GRID2: variants seen among roughly 807,000 people sequenced by gnomAD.
GRID2 encodes the protein glutamate receptor ionotropic, delta-2.
GRID2 carries 33 observed loss-of-function variants against 114.8 expected under a neutral mutation model. The ratio of observed to expected loss-of-function variants is 0.29; its 90% confidence interval spans 0.22 to 0.38. The LOEUF (loss-of-function observed/expected upper bound fraction) is 0.38, where lower values mean the gene tolerates loss of function less well. GRID2 is among the 10% of genes least tolerant of loss of function. The probability of loss-of-function intolerance (pLI) is 1.00; values close to 1 mark genes in which losing one functional copy is unlikely to be tolerated. For missense variants in GRID2, 1,184 were observed against 1,257.7 expected (o/e 0.94, Z 0.89); for synonymous variants, 505 against 449.9 (o/e 1.12, Z -1.55).
At chr4:92,466,548 A>C (rs1721761092) in intron 1 of GRID2, among the ~76,000 whole-genome samples, 1 of 151,868 alleles carries the variant, frequency 6.6e-6, no homozygotes, top group Non-Finnish European at 1.5e-5. Context: ...TACTCACAAA[A>C]GTTAAAAATA....
intron 1 of GRID2, among the ~76,000 whole-genome samples, chr4:92,543,437 A>G (rs888834669): frequency 6.6e-6 from 1 of 152,208 alleles, no homozygotes; most frequent in African/African-American, 2.4e-5. Flanking sequence ...CATATACTTT[A>G]AGAATTAACT....
intron 1 of GRID2, among the ~76,000 whole-genome samples, chr4:92,319,632 A>G (rs757784278): frequency 6.6e-6 from 1 of 152,184 alleles, no homozygotes. Context: ...AAAATGTTGT[A>G]TCTTTTGTGC....
intron 2 of GRID2, among the ~76,000 whole-genome samples, chr4:92,998,927 T>C (rs994570866): frequency 2.6e-5 from 4 of 151,902 alleles, no homozygotes; most frequent in African/African-American, 9.7e-5. Context: ...TTTTTTGGAC[T>C]CAGAGACTGC....
chr4:92,669,320 C>T (rs1732936823), intron 2 of GRID2, among the ~76,000 whole-genome samples: 1 of 151,812 alleles, frequency 6.6e-6, no homozygotes, highest in South Asian at 2.1e-4. Context: ...TATGTAACTA[C>T]TAACAACCCT....
chr4:92,785,779 A>G (rs1739293015), intron 2 of GRID2, among the ~76,000 whole-genome samples: 1 of 151,890 alleles, frequency 6.6e-6, no homozygotes, highest in South Asian at 2.1e-4. Flanking sequence ...AAAGTAAAAG[A>G]AAGACAAGAA....
At chr4:93,189,773 C>CACACACACA (rs1268745559) in intron 4 of GRID2, among the ~76,000 whole-genome samples, 1 of 138,898 alleles carries the variant, frequency 7.2e-6, no homozygotes, top group African/African-American at 2.7e-5. Context: ...CCACACCACA[C>CACACACACA]CACACACACA....
intron 1 of GRID2, among the ~76,000 whole-genome samples, chr4:92,561,594 A>T (rs1407749148): frequency 2.6e-5 from 4 of 152,164 alleles, no homozygotes; most frequent in Admixed American, 6.5e-5. Context: ...ATTAATTACA[A>T]TCTTGCACAT....
chr4:92,710,549 T>A (rs1430117328), intron 2 of GRID2, among the ~76,000 whole-genome samples: 1 of 152,248 alleles, frequency 6.6e-6, no homozygotes, highest in Non-Finnish European at 1.5e-5. Flanking sequence ...TTTTGTGCCA[T>A]GTCCTGGTGA....
At chr4:93,208,069 C>A (rs1310856085) in intron 5 of GRID2, among the ~76,000 whole-genome samples, 2 of 151,888 alleles carry the variant, frequency 1.3e-5, no homozygotes, top group East Asian at 1.9e-4. Context: ...ATGGAAGGAA[C>A]AATGAGCAGG....
intron 2 of GRID2, among the ~76,000 whole-genome samples, chr4:92,994,339 G>A (rs1290373887): frequency 1.1e-4 from 17 of 151,864 alleles, no homozygotes; most frequent in Admixed American, 1.1e-3. Flanking sequence ...TTAAGTTATT[G>A]TTTTTGTTTG....
At position 92,727,696 on chromosome 4, in the gene GRID2, A is replaced by G. The variant is rs114689797; in HGVS notation, c.244+137410A>G. ...ATGTGAACATAGATGAAAACACAAT[A>G]TAGATTACAACTTGGACTGGAGCAG... On this transcript the variant is annotated intron_variant, in intron 2 of 15. Transcript: ENST00000282020. 9.7e-3 allele frequency among the ~76,000 whole-genome samples: 1,479 copies of G among 152,264 alleles called. 27 individuals carry two copies. The highest frequency in any genetic ancestry group is 0.034 in the African/African-American group (1,420 of 41,580).
At chr4:93,069,007 CAAGAG>C (rs1275967975) in intron 2 of GRID2, among the ~76,000 whole-genome samples, 1 of 151,696 alleles carries the variant, frequency 6.6e-6, no homozygotes, top group Non-Finnish European at 1.5e-5. Flanking sequence ...AGAGCAGAAA[CAAGAG>C]AGAGAGGAGG....
At chr4:92,324,596 G>GACACACAC (rs34621988) in intron 1 of GRID2, among the ~76,000 whole-genome samples, 2 of 148,154 alleles carry the variant, frequency 1.3e-5, no homozygotes, top group Admixed American at 6.7e-5. Flanking sequence ...CATACATACA[G>GACACACAC]ACACACACAC....
chr4:93,609,182 G>T (rs987890448), intron 13 of GRID2, among the ~76,000 whole-genome samples: 5 of 103,886 alleles, frequency 4.8e-5, no homozygotes, highest in Admixed American at 4.6e-4. Context: ...TTGTAAATTT[G>T]TTTGAGTTCA....
At chr4:92,436,466 A>C (rs1732738339) in intron 1 of GRID2, among the ~76,000 whole-genome samples, 1 of 151,060 alleles carries the variant, frequency 6.6e-6, no homozygotes, top group African/African-American at 2.5e-5. Flanking sequence ...ATCTGATTTT[A>C]TTTTATTTAT....
chr4:93,193,213 A>G (rs143174442), intron 4 of GRID2, among the ~76,000 whole-genome samples: 6 of 152,302 alleles, frequency 3.9e-5, no homozygotes, highest in Non-Finnish European at 8.8e-5. Context: ...AGTAGCTCCC[A>G]GAATTACAGT....
intron 8 of GRID2, among the ~76,000 whole-genome samples, chr4:93,312,283 A>G (rs895557854): frequency 1.3e-5 from 2 of 152,172 alleles, no homozygotes; most frequent in African/African-American, 4.8e-5. Context: ...ATGAATGCAG[A>G]TTAAGTTTGA....
intron 1 of GRID2, among the ~76,000 whole-genome samples, chr4:92,558,347 G>A (rs1385201689): frequency 6.6e-6 from 1 of 152,064 alleles, no homozygotes; most frequent in African/African-American, 2.4e-5. Context: ...AAAAACTTCA[G>A]TACTATCCCA....
At chr4:92,705,134 T>A (rs1012091425) in intron 2 of GRID2, among the ~76,000 whole-genome samples, 2 of 152,140 alleles carry the variant, frequency 1.3e-5, no homozygotes, top group Non-Finnish European at 2.9e-5. Context: ...TAAGAGAATA[T>A]ACCTGTAATA....
Sources: gnomAD v4.1 joint callset for allele counts (sites outside exome capture counted in the v4.1 genomes callset) on GRCh38, gnomAD v4.1.1 for gene constraint, MANE v1.5 for transcripts, NCBI Gene and HGNC (gene_info 2026-07-23, HGNC 2026-07-21) for gene names.